The following LOC122455342 variants were observed in gnomAD, a reference collection of about 807,000 sequenced individuals.
chr17:76,568,927 C>A, the LOC122455342 span: 1 of 772,962 alleles, frequency 1.3e-6, no homozygotes, highest in Non-Finnish European at 2.2e-6. Flanking sequence ...GGAGTAGTAG[C>A]GGGAGAAGGG....
At chr17:76,569,615 G>C in the LOC122455342 span, 3 of 398,514 alleles carry the variant, frequency 7.5e-6, no homozygotes, top group Non-Finnish European at 1.3e-5. Context: ...GACTGGGTAG[G>C]GGATGGATTA....
At chr17:76,569,029 G>A in the LOC122455342 span, 12 of 346,478 alleles carry the variant, frequency 3.5e-5, no homozygotes, top group Non-Finnish European at 5.7e-5. Flanking sequence ...GAGAGAGGAG[G>A]GGGGCATGAA....
the LOC122455342 span, chr17:76,568,831 G>A: frequency 1.2e-6 from 2 of 1,608,786 alleles, no homozygotes; most frequent in Non-Finnish European, 1.7e-6. Flanking sequence ...AGAGCGCCCA[G>A]AGCCGTCGTA....
chr17:76,569,003 C>T, the LOC122455342 span: 60 of 460,724 alleles, frequency 1.3e-4, no homozygotes, highest in African/African-American at 1.3e-3. Context: ...AGGACCTCCA[C>T]GGGCGGGGTG....
chr17:76,569,195 T>TG, the LOC122455342 span: 1 of 91,958 alleles, frequency 1.1e-5, no homozygotes, highest in Non-Finnish European at 1.8e-5. Context: ...AGTGGTGCTG[T>TG]GGGGGGCTGG....
chr17:76,569,238 A>G, the LOC122455342 span: 2 of 278,592 alleles, frequency 7.2e-6, no homozygotes, highest in East Asian at 1.1e-4. Flanking sequence ...AGCGGGGCAC[A>G]TAGGGGGTGA....
At chr17:76,569,494 G>A in the LOC122455342 span, 2 of 210,346 alleles carry the variant, frequency 9.5e-6, no homozygotes, top group Non-Finnish European at 1.8e-5. Context: ...GGCATTTGGG[G>A]TGGGAGGGTG....
chr17:76,568,956 C>T, the LOC122455342 span: 1 of 653,090 alleles, frequency 1.5e-6, no homozygotes, highest in Admixed American at 2.5e-5. Flanking sequence ...AGGTGGCAGG[C>T]AGTACGTTGG....
chr17:76,569,419 C>T, the LOC122455342 span: 1 of 348,128 alleles, frequency 2.9e-6, no homozygotes, highest in Non-Finnish European at 5.1e-6. Flanking sequence ...TTGGGCAGCC[C>T]CGCGGGGCAC....
At chr17:76,569,321 G>C in the LOC122455342 span, 1 of 253,224 alleles carries the variant, frequency 3.9e-6, no homozygotes, top group East Asian at 6.2e-5. Context: ...GAGGACTTGG[G>C]GGGCACAGCG....
At chr17:76,568,881 G>T in the LOC122455342 span, 2 of 1,320,420 alleles carry the variant, frequency 1.5e-6, no homozygotes, top group Non-Finnish European at 2.2e-6. Flanking sequence ...GGGCGCCGGA[G>T]TAGCCGCGGT....
the LOC122455342 span, chr17:76,569,648 T>C: frequency 2.5e-6 from 1 of 396,980 alleles, no homozygotes; most frequent in African/African-American, 2.1e-5. Flanking sequence ...GGGGAGCTCA[T>C]TGGTGTTGGG....
At chr17:76,568,838 C>T in the LOC122455342 span, 79 of 1,601,996 alleles carry the variant, frequency 4.9e-5, 1 homozygote, top group East Asian at 1.8e-4. Context: ...CCAGAGCCGT[C>T]GTATTGCAAG....
chr17:76,569,185 AGTG>A, the LOC122455342 span: 1 of 109,898 alleles, frequency 9.1e-6, no homozygotes, highest in Non-Finnish European at 1.5e-5. Flanking sequence ...GTTTTGGGGA[AGTG>A]GTGCTGTGGG....
chr17:76,569,420 C>T, the LOC122455342 span: 4 of 352,252 alleles, frequency 1.1e-5, no homozygotes, highest in East Asian at 1.2e-4. Context: ...TGGGCAGCCC[C>T]GCGGGGCACG....
chr17:76,569,608 T>C, the LOC122455342 span: 5 of 387,892 alleles, frequency 1.3e-5, no homozygotes, highest in Non-Finnish European at 2.2e-5. Flanking sequence ...GGAGGGAGAC[T>C]GGGTAGGGGA....
At chr17:76,569,598 G>A in the LOC122455342 span, 3 of 398,508 alleles carry the variant, frequency 7.5e-6, no homozygotes, top group Admixed American at 8.8e-5. Flanking sequence ...AACGGGACTG[G>A]GAGGGAGACT....
chr17:76,569,410 T>TG, the LOC122455342 span: 1 of 284,050 alleles, frequency 3.5e-6, no homozygotes, highest in Non-Finnish European at 6.3e-6. Flanking sequence ...GGTGGGGGTT[T>TG]GGGCAGCCCC....
chr17:76,568,874 C>T, the LOC122455342 span: 12 of 1,434,382 alleles, frequency 8.4e-6, no homozygotes, highest in Middle Eastern at 2.1e-4. Context: ...AGGGTCAGGG[C>T]GCCGGAGTAG....
Sources: allele counts gnomAD v4.1 joint callset, GRCh38; gene constraint gnomAD v4.1.1; transcripts MANE v1.5.